The following PACSIN2 variants were observed in gnomAD, a reference collection of about 807,000 sequenced individuals.
PACSIN2 encodes the protein protein kinase C and casein kinase substrate in neurons protein 2.
Under a neutral mutation model 63.8 loss-of-function variants are expected in PACSIN2, and 25 were observed. The ratio of observed to expected loss-of-function variants is 0.39; its 90% CI spans 0.29 to 0.55. The LOEUF is 0.55. Ranked by LOEUF, PACSIN2 falls within the 20% of genes least tolerant of loss-of-function variation. The pLI is 0.62. For missense variants in PACSIN2, 518 were observed against 646.9 expected (o/e 0.80, Z 2.16); for synonymous variants, 255 against 256.2 (o/e 1.00, Z 0.05).
chr22:42,899,710 T>C (rs1215742044), intron 2 of PACSIN2, among the ~76,000 whole-genome samples: 1 of 152,218 alleles, frequency 6.6e-6, no homozygotes, highest in Non-Finnish European at 1.5e-5. Flanking sequence ...CATAGAAGTG[T>C]TCCCTTTGGT....
intron 1 of PACSIN2, among the ~76,000 whole-genome samples, chr22:42,919,590 T>C (rs1336668005): frequency 1.3e-5 from 2 of 151,774 alleles, no homozygotes; most frequent in Non-Finnish European, 2.9e-5. Flanking sequence ...CTGGCCAACA[T>C]GGTGAAACTG....
At chr22:42,954,583 G>C (rs1013768639) in intron 1 of PACSIN2, among the ~76,000 whole-genome samples, 1 of 152,162 alleles carries the variant, frequency 6.6e-6, no homozygotes, top group African/African-American at 2.4e-5. Flanking sequence ...TATAGAGACA[G>C]AGGACTCACT....
At chr22:42,899,553 G>A (rs575091257) in intron 2 of PACSIN2, among the ~76,000 whole-genome samples, 70 of 152,334 alleles carry the variant, frequency 4.6e-4, no homozygotes, top group African/African-American at 1.7e-3. Context: ...CCAAGTGTGG[G>A]CAGAGGTGGG....
chr22:42,996,531 CA>C (rs140591355), intron 1 of PACSIN2, among the ~76,000 whole-genome samples: 9,177 of 106,246 alleles, frequency 0.086, 1,071 homozygotes, highest in African/African-American at 0.31. Context: ...GACTCTGCCG[CA>C]AAAAAAAAAA....
chr22:42,932,390 C>T (rs1184967176), intron 1 of PACSIN2, among the ~76,000 whole-genome samples: 1 of 152,202 alleles, frequency 6.6e-6, no homozygotes, highest in Non-Finnish European at 1.5e-5. Flanking sequence ...AAAGCACATA[C>T]CACTACCTCA....
intron 1 of PACSIN2, among the ~76,000 whole-genome samples, chr22:42,928,178 G>A (rs751152217): frequency 3.9e-5 from 6 of 152,192 alleles, no homozygotes; most frequent in Non-Finnish European, 7.3e-5. Flanking sequence ...GAGAAAGGAC[G>A]GGAACACACC....
chr22:42,975,041 T>A (rs1350578269), intron 1 of PACSIN2, among the ~76,000 whole-genome samples: 4 of 152,190 alleles, frequency 2.6e-5, no homozygotes, highest in African/African-American at 9.6e-5. Flanking sequence ...CTGCCTGCAC[T>A]GCAGATGAGC....
intron 1 of PACSIN2, among the ~76,000 whole-genome samples, chr22:42,962,791 C>A (rs1328005096): frequency 9.1e-6 from 1 of 109,446 alleles, no homozygotes; most frequent in African/African-American, 4.7e-5. Flanking sequence ...GGGGGGGCGG[C>A]GCAGAAAAAG....
rs146375588 is a variant in PACSIN2, at chr22:42,944,762, A to T, written c.-77-32605T>A. ...ATCCGAAATTGGGTATAAGCAAAAAAGGCAGAGTGGCACAGCGCATCCACT... is the reference window on the plus strand; with the variant it reads ...ATCCGAAATTGGGTATAAGCAAAAATGGCAGAGTGGCACAGCGCATCCACT... On this transcript the variant is annotated intron_variant, in intron 1 of 10. Transcript: ENST00000263246. Among the ~76,000 whole-genome samples, 631 of 152,316 alleles carry T rather than the reference A, an allele frequency of 4.1e-3. 3 individuals are homozygous for T. The highest frequency in any genetic ancestry group is 0.014 in the African/African-American group (596 of 41,556).
intron 1 of PACSIN2, among the ~76,000 whole-genome samples, chr22:42,988,291 A>C (rs970651921): frequency 6.6e-6 from 1 of 152,234 alleles, no homozygotes; most frequent in Admixed American, 6.5e-5. Context: ...CCTCACAGTT[A>C]CAAAGCCCAC....
chr22:42,955,471 AG>A (rs1020011926), intron 1 of PACSIN2, among the ~76,000 whole-genome samples: 2 of 149,294 alleles, frequency 1.3e-5, no homozygotes, highest in Non-Finnish European at 2.9e-5. Flanking sequence ...AGATAGCATC[AG>A]GGGGAAAAAA....
intron 1 of PACSIN2, among the ~76,000 whole-genome samples, chr22:42,962,146 C>T (rs1197915383): frequency 2.0e-5 from 3 of 151,606 alleles, no homozygotes; most frequent in Admixed American, 6.6e-5. Context: ...CAAAAATTGT[C>T]TACCTGTTCC....
At position 42,879,115 on chromosome 22, in the gene PACSIN2, T is replaced by A. The variant is rs774152734; in HGVS notation, c.961A>T (p.Thr321Ser). The change falls in exon 8 of 11, where the codon ACT becomes TCT. Residue 321 changes from threonine to serine, a missense_variant. Transcript: ENST00000263246. ...ATGCCCGTCAGGGTGACGCCGTCAG[T>A]GGCCTTCTTCTTCTCTCTCCGGCTG... ...TLSRREKKKA[T>S]DGVTLTGINQ... The A allele has an allele frequency of 6.2e-7, 1 of 1,614,112 alleles. No individual in the cohort carries two copies. The highest frequency in any genetic ancestry group is 1.1e-5 in the South Asian group (1 of 91,082).
chr22:42,994,870 T>C (rs1467746934), intron 1 of PACSIN2, among the ~76,000 whole-genome samples: 2 of 152,192 alleles, frequency 1.3e-5, no homozygotes, highest in African/African-American at 4.8e-5. Flanking sequence ...TGCAGCTGCC[T>C]CTTCCCTGGC....
chr22:42,957,866 G>A (rs976894800), intron 1 of PACSIN2, among the ~76,000 whole-genome samples: 1 of 152,020 alleles, frequency 6.6e-6, no homozygotes, highest in African/African-American at 2.4e-5. Context: ...CAATCCCATC[G>A]TGAGGCCCGC....
At chr22:42,968,366 G>A (rs919850268) in intron 1 of PACSIN2, among the ~76,000 whole-genome samples, 22 of 152,116 alleles carry the variant, frequency 1.4e-4, no homozygotes, top group African/African-American at 5.1e-4. Context: ...AAATGAAATC[G>A]TGGTGCCAAG....
At chr22:42,886,407 GGTAT>G (rs1555909029) in intron 5 of PACSIN2, among the ~76,000 whole-genome samples, 2 of 140,218 alleles carry the variant, frequency 1.4e-5, no homozygotes, top group South Asian at 4.8e-4. Context: ...AGTCAGCAAT[GGTAT>G]GTATGTAGGT....
Position 42,935,002 on chromosome 22 carries a change from A to G in PACSIN2, c.-77-22845T>C, listed in dbSNP as rs188588542. Among the ~76,000 whole-genome samples the G allele has an allele frequency of 4.1e-3, 604 of 146,890 alleles. 5 individuals carry two copies. Among genetic ancestry groups the G allele is most frequent in the African/African-American group, 0.015 (578 of 39,404 alleles). ...GCAATCTCGGCTCACTGCAAGCTCC[A>G]CCTCCCAGGTTCACGCCATTCTCCT... On this transcript the variant is annotated intron_variant, in intron 1 of 10. Transcript: ENST00000263246.
chr22:42,979,409 A>T (rs2146881259), intron 1 of PACSIN2, among the ~76,000 whole-genome samples: 1 of 151,526 alleles, frequency 6.6e-6, no homozygotes, highest in African/African-American at 2.4e-5. Flanking sequence ...CTGTAATCCC[A>T]GCTACTCCAA....
Sources: gnomAD v4.1 joint callset for allele counts (sites outside exome capture counted in the v4.1 genomes callset) on GRCh38, gnomAD v4.1.1 for gene constraint, MANE v1.5 for transcripts, NCBI Gene and HGNC (gene_info 2026-07-23, HGNC 2026-07-21) for gene names.